ZNF608: variants seen among roughly 807,000 people sequenced by gnomAD.
ZNF608 encodes the protein zinc finger protein 608.
ZNF608 carries 12 observed loss-of-function variants against 109.0 expected under a neutral mutation model. The observed-to-expected ratio is 0.11, with a 90% CI of 0.07 to 0.18. The LOEUF is 0.18. Among genes scored for constraint, ZNF608 ranks in the 10% least tolerant of loss-of-function variants. The pLI is 1.00. For missense variants in ZNF608, 1,707 were observed against 1,879.3 expected (o/e 0.91, Z 1.70); for synonymous variants, 732 against 717.4 (o/e 1.02, Z -0.33).
intron 3 of ZNF608, among the ~76,000 whole-genome samples, chr5:124,658,636 G>A (rs184243657): frequency 1.3e-5 from 2 of 152,224 alleles, no homozygotes; most frequent in East Asian, 3.9e-4. Context: ...TGTGGGGCAG[G>A]TTTCTCAAAC....
At chr5:124,727,371 G>C (rs1748654208) in intron 2 of ZNF608, among the ~76,000 whole-genome samples, 1 of 152,106 alleles carries the variant, frequency 6.6e-6, no homozygotes. Context: ...AGTTGGTCTT[G>C]ACCTTGTATA....
intron 3 of ZNF608, among the ~76,000 whole-genome samples, chr5:124,695,849 G>A (rs1752825696): frequency 6.6e-6 from 1 of 152,056 alleles, no homozygotes; most frequent in Non-Finnish European, 1.5e-5. Context: ...GGAGATATAG[G>A]AGAAGCAGAA....
intron 2 of ZNF608, among the ~76,000 whole-genome samples, chr5:124,738,464 G>A (rs1445196888): frequency 1.3e-5 from 2 of 152,136 alleles, no homozygotes; most frequent in Non-Finnish European, 2.9e-5. Context: ...ATGTTGTGCT[G>A]CAGTAATTAC....
chr5:124,719,306 T>C (rs1302967252), intron 2 of ZNF608, among the ~76,000 whole-genome samples: 1 of 152,230 alleles, frequency 6.6e-6, no homozygotes, highest in Non-Finnish European at 1.5e-5. Context: ...ATTGCTATAT[T>C]TTTGTAAATG....
intron 3 of ZNF608, among the ~76,000 whole-genome samples, chr5:124,664,402 CA>C (rs924443176): frequency 6.6e-6 from 1 of 152,056 alleles, no homozygotes; most frequent in African/African-American, 2.4e-5. Flanking sequence ...GAAGGCAATT[CA>C]AAACTAATAA....
chr5:124,737,745 A>C (rs896888170), intron 2 of ZNF608, among the ~76,000 whole-genome samples: 1 of 152,230 alleles, frequency 6.6e-6, no homozygotes, highest in Non-Finnish European at 1.5e-5. Context: ...GCAAAGTCTC[A>C]CTTTGGATAT....
At chr5:124,697,795 C>A (rs1056299043) in intron 3 of ZNF608, among the ~76,000 whole-genome samples, 1 of 152,152 alleles carries the variant, frequency 6.6e-6, no homozygotes, top group East Asian at 1.9e-4. Context: ...TCCAGTCTTG[C>A]GATTCCCAAC....
At chr5:124,650,386 T>C (rs979231963) in intron 3 of ZNF608, among the ~76,000 whole-genome samples, 1 of 152,206 alleles carries the variant, frequency 6.6e-6, no homozygotes, top group African/African-American at 2.4e-5. Flanking sequence ...AGAAAACAAA[T>C]GTGCACAATA....
intron 3 of ZNF608, among the ~76,000 whole-genome samples, chr5:124,659,038 C>T (rs1023091402): frequency 6.6e-6 from 1 of 152,112 alleles, no homozygotes; most frequent in Non-Finnish European, 1.5e-5. Context: ...AGGGAAACAG[C>T]TTTCACTTAC....
At chr5:124,683,132 G>A (rs545459934) in intron 3 of ZNF608, among the ~76,000 whole-genome samples, 4 of 152,244 alleles carry the variant, frequency 2.6e-5, no homozygotes, top group South Asian at 2.1e-4. Context: ...AAATTGCCCC[G>A]TGAGGAATTA....
chr5:124,745,233 G>A, intron 1 of ZNF608, 61 bp from the exon 2 acceptor site: 2 of 1,348,292 alleles, frequency 1.5e-6, no homozygotes, highest in Middle Eastern at 2.8e-4. Flanking sequence ...AATAAAAAAC[G>A]ATTAGTATTG....
intron 3 of ZNF608, among the ~76,000 whole-genome samples, chr5:124,698,496 G>T (rs1752932532): frequency 6.6e-6 from 1 of 152,186 alleles, no homozygotes; most frequent in Admixed American, 6.5e-5. Context: ...AGGCAGTAAA[G>T]AGAAGGCTGG....
At chr5:124,638,980 T>C (rs62370761) in intron 9 of ZNF608, among the ~76,000 whole-genome samples, 153 bp downstream of exon 9, 46,425 of 152,188 alleles carry the variant, frequency 0.31, 8,089 homozygotes, top group East Asian at 0.47. Context: ...AAGTTGCATG[T>C]GAAGCAACTT....
chr5:124,677,066 C>A (rs1751976946), intron 3 of ZNF608, among the ~76,000 whole-genome samples: 1 of 152,222 alleles, frequency 6.6e-6, no homozygotes, highest in South Asian at 2.1e-4. Context: ...ATATCTTATG[C>A]ATATGTTTTA....
chr5:124,711,004 G>C (rs1448853408), intron 2 of ZNF608, among the ~76,000 whole-genome samples: 1 of 152,184 alleles, frequency 6.6e-6, no homozygotes, highest in Non-Finnish European at 1.5e-5. Flanking sequence ...AAGAAACTTA[G>C]TCTTAAGAGA....
chr5:124,672,044 AG>A (rs1242498796), intron 3 of ZNF608, among the ~76,000 whole-genome samples: 3 of 152,238 alleles, frequency 2.0e-5, no homozygotes, highest in African/African-American at 7.2e-5. Context: ...GAAAGTATCC[AG>A]GAAAAACATT....
rs776460180 is a variant in ZNF608, at chr5:124,648,862, G to C, written c.1522C>G (p.Leu508Val). Residue 508 changes from leucine (L) to valine (V), a missense_variant, in exon 5 of 10, where the codon CTG (leucine) becomes GTG (valine). Around this residue, in one of 7 missense-constraint regions of ZNF608, gnomAD observed 166 missense variants for 204.2 expected, o/e 0.81. Transcript: ENST00000513986. ...TCCTCAGAGCTGGAGTTCAGGTCCA[G>C]CTCCATTGGAGGCTTGTTTTTCCTT... The part of the protein sequence containing the change: ...NKRKNKPPME[L>V]DLNSSSEDNK... 1.2e-6 allele frequency: 2 copies of C among 1,614,068 alleles called. No individual in the cohort carries two copies. The highest frequency in any genetic ancestry group is 2.2e-5 in the South Asian group (2 of 91,074).
intron 3 of ZNF608, among the ~76,000 whole-genome samples, chr5:124,650,548 G>C (rs887247818): frequency 2.6e-5 from 4 of 152,186 alleles, no homozygotes; most frequent in African/African-American, 9.6e-5. Flanking sequence ...ATTTAGCACT[G>C]CATCTGTGAA....
intron 5 of ZNF608, 133 bp from the exon 6 acceptor site, chr5:124,644,794 G>T: frequency 2.6e-6 from 2 of 783,854 alleles, no homozygotes; most frequent in South Asian, 2.0e-5. Context: ...TTATTTCTGT[G>T]CTAGACACTG....
Sources: allele counts gnomAD v4.1 joint callset (sites outside exome capture counted in the v4.1 genomes callset), GRCh38; gene constraint gnomAD v4.1.1; regional missense constraint gnomAD v4.1.1; transcripts MANE v1.5; gene names NCBI Gene and HGNC (gene_info 2026-07-23, HGNC 2026-07-21).